The following FAAH2 variants were observed in gnomAD, a reference collection of about 807,000 sequenced individuals.
FAAH2 encodes fatty acid amide hydrolase 2.
A neutral mutation model predicts 36.9 loss-of-function variants in FAAH2; 60 were observed. That is an observed-to-expected ratio of 1.63 (90% CI 1.32 to 2.02). The LOEUF is 2.02. Among genes scored for constraint, FAAH2 ranks in the 30% most tolerant of loss-of-function variants. The pLI, the probability that FAAH2 is intolerant of heterozygous loss-of-function variation, is 0.00. For missense variants in FAAH2, 689 were observed against 397.5 expected, an observed-to-expected ratio of 1.73 and a Z score of -6.23; for synonymous variants, 214 against 143.8, an observed-to-expected ratio of 1.49 and a Z score of -3.49.
chrX:57,359,976 T>A, intron 5 of FAAH2, among the ~76,000 whole-genome samples: 1 of 109,799 alleles, frequency 9.1e-6, no homozygotes, highest in Middle Eastern at 4.6e-3. Context: ...GGGTGTTTTT[T>A]TTTTTTTCTC....
At chrX:57,476,034 C>T (rs1311923572) in intron 10 of FAAH2, among the ~76,000 whole-genome samples, 1 of 111,472 alleles carries the variant, frequency 9.0e-6, no homozygotes, top group Non-Finnish European at 1.9e-5. Flanking sequence ...GATTTTTGTA[C>T]ATCGATTTTG....
chrX:57,407,468 G>A (rs2055594258), intron 7 of FAAH2, among the ~76,000 whole-genome samples: 1 of 112,059 alleles, frequency 8.9e-6, no homozygotes, highest in Non-Finnish European at 1.9e-5. Flanking sequence ...GGTGAGGGGA[G>A]CAAAGTAATA....
At chrX:57,263,666 C>T in the FAAH2 span, among the ~76,000 whole-genome samples, 1 of 111,638 alleles carries the variant, frequency 9.0e-6, no homozygotes, top group Non-Finnish European at 1.9e-5. Context: ...TATTTAACAA[C>T]AAATACATAT....
At chrX:57,210,088 C>T in the FAAH2 span, among the ~76,000 whole-genome samples, 1 of 110,877 alleles carries the variant, frequency 9.0e-6, no homozygotes, top group African/African-American at 3.3e-5. Context: ...CGTTCCTCAC[C>T]TCTTCAGTGC....
chrX:57,125,490 C>T, the FAAH2 span, among the ~76,000 whole-genome samples: 1 of 111,545 alleles, frequency 9.0e-6, no homozygotes, highest in African/African-American at 3.3e-5. Context: ...ATTTAACAAG[C>T]AGTCACAAGT....
chrX:57,187,628 G>A, the FAAH2 span, among the ~76,000 whole-genome samples: 1 of 111,015 alleles, frequency 9.0e-6, no homozygotes, highest in African/African-American at 3.3e-5. Context: ...GAGAGAGGGC[G>A]TCCTTATCTT....
chrX:57,220,345 G>A, the FAAH2 span, among the ~76,000 whole-genome samples: 2 of 109,036 alleles, frequency 1.8e-5, no homozygotes, highest in Non-Finnish European at 3.8e-5. Flanking sequence ...CCTCCCCAAC[G>A]CCCTCTCCTG....
chrX:57,344,785 T>C (rs942012688), intron 5 of FAAH2, among the ~76,000 whole-genome samples: 1 of 111,690 alleles, frequency 9.0e-6, no homozygotes, highest in African/African-American at 3.2e-5. Flanking sequence ...TCTAAGGTTT[T>C]TATCATGAAG....
chrX:57,162,656 C>T, the FAAH2 span, among the ~76,000 whole-genome samples: 2 of 112,164 alleles, frequency 1.8e-5, no homozygotes, highest in Admixed American at 9.4e-5. Context: ...ATCGCATCGG[C>T]TCCTGAGGCT....
intron 1 of FAAH2, 45 bp from the exon 2 acceptor site, chrX:57,292,453 G>A (rs917131757): frequency 9.2e-7 from 1 of 1,082,466 alleles, no homozygotes; most frequent in Admixed American, 2.3e-5. Context: ...TGAATGAATT[G>A]TTTAGTGAAT....
chrX:57,374,726 C>T (rs1324667521), intron 5 of FAAH2, among the ~76,000 whole-genome samples: 1 of 111,462 alleles, frequency 9.0e-6, no homozygotes, highest in Non-Finnish European at 1.9e-5. Context: ...ATTGCCGTTG[C>T]TAGGACTTCC....
chrX:57,381,256 T>C (rs1220063165), intron 7 of FAAH2, among the ~76,000 whole-genome samples: 2 of 111,761 alleles, frequency 1.8e-5, no homozygotes, highest in African/African-American at 3.2e-5. Context: ...ATAAATCAAA[T>C]AAATAAATTG....
At chrX:57,466,156 C>CTATATATATATATATATATATATA (rs1163626331) in intron 10 of FAAH2, among the ~76,000 whole-genome samples, 2 of 66,417 alleles carry the variant, frequency 3.0e-5, no homozygotes, top group African/African-American at 1.2e-4. Flanking sequence ...CTCTCTCTCT[C>CTATATATATATATATATATATATA]TATATATATA....
Position 57,446,946 on chromosome X carries a change from G to A in FAAH2, c.1135G>A (p.Asp379Asn), listed in dbSNP as rs751858379. 2.5e-6 allele frequency: 3 copies of A among 1,205,313 alleles called. No homozygotes were observed. In the African/African-American group the frequency reaches 5.3e-5, roughly 21 times the overall value. ...HDGKEPVKFV[D>N]LLGDHGKHVS... ...ATCTCAGGAACCTGTGAAATTTGTA[G>A]ATTTGCTTGGTGACCATGGGAAACA... The change falls in exon 9 of 11, where the codon GAT becomes AAT. Residue 379 changes from aspartate to asparagine, a missense_variant. Asp to Asn is a conservative substitution (Grantham distance 23, BLOSUM62 1). Coordinates refer to ENST00000374900, the MANE Select transcript of FAAH2 (RefSeq NM_174912.4).
At chrX:57,263,930 G>A in the FAAH2 span, among the ~76,000 whole-genome samples, 3 of 111,573 alleles carry the variant, frequency 2.7e-5, no homozygotes, top group Admixed American at 9.6e-5. Context: ...AGATGTAAAA[G>A]CAATTCAATG....
chrX:57,286,947 C>T lies in FAAH2; in HGVS notation c.122C>T (p.Pro41Leu), dbSNP rs954080066. Residue 41 changes from proline to leucine, a missense_variant, in exon 1 of 11, where the codon CCT becomes CTT. Transcript: ENST00000374900. The part of the protein sequence containing the change: ...LGGPKFASKT[P>L]RPVTEPLLLL... ...GGTCCAAAGTTTGCCTCAAAGACCC[C>T]TCGGCCGGTGACTGAACCATTGCTT... is the stretch of plus-strand genomic sequence containing the variant. The T allele has an allele frequency of 5.8e-6, 7 of 1,201,973 alleles. No homozygotes were observed. Among genetic ancestry groups the T allele is most frequent in the Non-Finnish European group, 7.9e-6 (7 of 891,528 alleles).
chrX:57,242,424 A>G, the FAAH2 span, among the ~76,000 whole-genome samples: 1 of 112,147 alleles, frequency 8.9e-6, no homozygotes, highest in Non-Finnish European at 1.9e-5. Flanking sequence ...ATCAAAGAAA[A>G]AGAAGGAACC....
At chrX:57,236,822 C>A in the FAAH2 span, among the ~76,000 whole-genome samples, 2 of 111,098 alleles carry the variant, frequency 1.8e-5, no homozygotes, top group African/African-American at 6.5e-5. Context: ...TTGCTCTGTT[C>A]ATTGTATCTT....
chrX:57,218,642 A>G, the FAAH2 span, among the ~76,000 whole-genome samples: 2 of 111,228 alleles, frequency 1.8e-5, no homozygotes, highest in Non-Finnish European at 3.8e-5. Context: ...TTCATCAAGG[A>G]TAGTGGTCTG....
Sources: allele counts gnomAD v4.1 joint callset (sites outside exome capture counted in the v4.1 genomes callset), GRCh38; gene constraint gnomAD v4.1.1; transcripts MANE v1.5; gene names NCBI Gene and HGNC (gene_info 2026-07-23, HGNC 2026-07-21).